CCSER1: variants seen among roughly 807,000 people sequenced by gnomAD.
The protein encoded by CCSER1 is coiled-coil serine rich protein 1.
In CCSER1, 41 loss-of-function variants were observed where a neutral mutation model predicts 82.0. That is an observed-to-expected ratio of 0.50 (90% CI 0.39 to 0.65). CCSER1 has a LOEUF of 0.65. Among genes scored for constraint, CCSER1 ranks in the 30% least tolerant of loss-of-function variants. The probability of loss-of-function intolerance (pLI) is 0.00; values close to 1 mark genes in which losing one functional copy is unlikely to be tolerated. For synonymous variants in CCSER1, 414 were observed against 383.9 expected (o/e 1.08, Z -0.92); for missense variants, 1,119 against 1,064.2 (o/e 1.05, Z -0.72).
intron 10 of CCSER1, among the ~76,000 whole-genome samples, chr4:91,149,750 T>G (rs1258737145): frequency 2.0e-5 from 3 of 152,146 alleles, no homozygotes; most frequent in African/African-American, 4.8e-5. Context: ...TTTCCCCATT[T>G]CTTGTTTTTG....
chr4:91,272,814 G>T (rs943793280), intron 10 of CCSER1, among the ~76,000 whole-genome samples: 1 of 152,132 alleles, frequency 6.6e-6, no homozygotes, highest in Non-Finnish European at 1.5e-5. Flanking sequence ...CCTACATGTG[G>T]CTTGCCAATT....
intron 1 of CCSER1, among the ~76,000 whole-genome samples, chr4:90,276,641 T>C (rs11931220): frequency 0.048 from 7,374 of 152,080 alleles, 473 homozygotes; most frequent in African/African-American, 0.15. Flanking sequence ...CCACTGTGCC[T>C]GGCCTTGAGT....
chr4:91,165,470 GA>G (rs1731939868), intron 10 of CCSER1, among the ~76,000 whole-genome samples: 3 of 152,298 alleles, frequency 2.0e-5, no homozygotes, highest in Admixed American at 6.5e-5. Context: ...AGAACTGTCA[GA>G]CAGGGACGTT....
rs7694143 is a variant in CCSER1, at chr4:90,530,831, T to C, written c.1724+62477T>C. 7.2e-3 allele frequency among the ~76,000 whole-genome samples: 1,103 copies of C among 152,252 alleles called. 16 individuals carry two copies. The highest frequency in any genetic ancestry group is 0.023 in the African/African-American group (950 of 41,554). On this transcript the variant is annotated intron_variant, in intron 5 of 10. Coordinates refer to ENST00000509176, the MANE Select transcript of CCSER1 (RefSeq NM_001145065.2). ...TGCAGCTATTTCGGCAGTTTCCTTT[T>C]GCTAGTCACATGAAACTGCTGCCTG...
chr4:90,821,083 A>C (rs1002061840), intron 8 of CCSER1, among the ~76,000 whole-genome samples: 3 of 152,152 alleles, frequency 2.0e-5, no homozygotes, highest in Non-Finnish European at 4.4e-5. Context: ...GTGGATTTCT[A>C]TTCCCCACCC....
intron 10 of CCSER1, among the ~76,000 whole-genome samples, chr4:91,454,509 G>A (rs946191073): frequency 6.6e-6 from 1 of 151,816 alleles, no homozygotes; most frequent in Admixed American, 6.6e-5. Context: ...CCCCATCTCT[G>A]GATCTTTAAC....
At chr4:90,307,650 T>A (rs555566279) in intron 1 of CCSER1, among the ~76,000 whole-genome samples, 4 of 144,140 alleles carry the variant, frequency 2.8e-5, no homozygotes, top group East Asian at 2.0e-4. Flanking sequence ...AAGCATAATT[T>A]AAAAAAAAAA....
chr4:90,203,595 T>C (rs1277395595), intron 1 of CCSER1, among the ~76,000 whole-genome samples: 1 of 152,226 alleles, frequency 6.6e-6, no homozygotes, highest in African/African-American at 2.4e-5. Context: ...CAGTTTATCA[T>C]TGATGGGCAT....
rs1578544387 is a variant in CCSER1, at chr4:90,453,920, G to A, written c.1604-14314G>A. On this transcript the variant is annotated intron_variant, in intron 4 of 10. Transcript: ENST00000509176. Reference sequence around the variant, plus strand: ...CTTTCAGAATCACCCTGGGTTCCTGGAATGTAATGGTGGTCTGGACCACCA... The same window carrying A: ...CTTTCAGAATCACCCTGGGTTCCTGAAATGTAATGGTGGTCTGGACCACCA... Among the ~76,000 whole-genome samples the A allele has an allele frequency of 5.3e-5, 8 of 152,264 alleles. 2 individuals are homozygous for A. Among genetic ancestry groups the A allele is most frequent in the Admixed American group, 5.2e-4 (8 of 15,306 alleles).
At chr4:90,682,015 T>C (rs1050258579) in intron 6 of CCSER1, among the ~76,000 whole-genome samples, 50 of 148,966 alleles carry the variant, frequency 3.4e-4, no homozygotes, top group Non-Finnish European at 3.9e-4. Context: ...AAAAAATAAC[T>C]TTTTTTTTTA....
intron 10 of CCSER1, among the ~76,000 whole-genome samples, chr4:91,470,581 G>C (rs762409379): frequency 6.6e-6 from 1 of 152,104 alleles, no homozygotes; most frequent in African/African-American, 2.4e-5. Flanking sequence ...TTACAGACAT[G>C]AGCCACACCA....
intron 9 of CCSER1, among the ~76,000 whole-genome samples, chr4:91,041,468 T>C (rs1741949611): frequency 6.6e-6 from 1 of 152,202 alleles, no homozygotes; most frequent in African/African-American, 2.4e-5. Context: ...AAAAACATTT[T>C]CTTTATTTCC....
chr4:91,112,602 T>G (rs1039093502), intron 10 of CCSER1: 6 of 152,152 alleles, frequency 3.9e-5, no homozygotes, highest in African/African-American at 1.4e-4. Flanking sequence ...ACCATACTTC[T>G]TTCTCTCTTA....
intron 1 of CCSER1, among the ~76,000 whole-genome samples, chr4:90,134,455 T>C (rs796652368): frequency 6.6e-6 from 1 of 152,188 alleles, no homozygotes; most frequent in South Asian, 2.1e-4. Context: ...AGTGGGGATA[T>C]TGTGCACTCT....
chr4:90,674,099 A>G (rs1417046665), intron 6 of CCSER1, among the ~76,000 whole-genome samples: 3 of 152,012 alleles, frequency 2.0e-5, no homozygotes, highest in Non-Finnish European at 4.4e-5. Flanking sequence ...CAAAAGGCCT[A>G]TTTAGCTTTG....
At chr4:90,435,246 T>G (rs1218470416) in intron 4 of CCSER1, among the ~76,000 whole-genome samples, 1 of 151,944 alleles carries the variant, frequency 6.6e-6, no homozygotes, top group Non-Finnish European at 1.5e-5. Flanking sequence ...TTCTGCAGAC[T>G]TTTTAAAGCT....
intron 1 of CCSER1, among the ~76,000 whole-genome samples, chr4:90,275,459 T>TA (rs945418089): frequency 2.0e-5 from 3 of 152,144 alleles, no homozygotes; most frequent in Non-Finnish European, 4.4e-5. Context: ...GCCTAATTTA[T>TA]AAAAAAATGT....
At chr4:91,534,249 T>A (rs1761184925) in intron 10 of CCSER1, among the ~76,000 whole-genome samples, 1 of 152,110 alleles carries the variant, frequency 6.6e-6, no homozygotes, top group Non-Finnish European at 1.5e-5. Flanking sequence ...GTCTCTTAAA[T>A]CTGCTATGTG....
chr4:91,319,641 C>T (rs1486748672), intron 10 of CCSER1: 2 of 455,378 alleles, frequency 4.4e-6, no homozygotes, highest in Non-Finnish European at 8.8e-6. Context: ...AAATATTAAC[C>T]TACCTAATAC....
Sources: allele counts gnomAD v4.1 joint callset (sites outside exome capture counted in the v4.1 genomes callset), GRCh38; gene constraint gnomAD v4.1.1; transcripts MANE v1.5; gene names NCBI Gene and HGNC (gene_info 2026-07-23, HGNC 2026-07-21).